The following SASH1 variants were observed in gnomAD, a reference collection of about 807,000 sequenced individuals.
The protein encoded by SASH1 is SAM and SH3 domain-containing protein 1.
SASH1 carries 44 observed loss-of-function variants against 125.2 expected under a neutral mutation model. The observed-to-expected ratio is 0.35, with a 90% CI of 0.28 to 0.45. The LOEUF (loss-of-function observed/expected upper bound fraction) is 0.45. SASH1 is among the 20% of genes least tolerant of loss of function. SASH1 has a pLI of 1.00. For synonymous variants in SASH1, 639 were observed against 649.1 expected (o/e 0.98, Z 0.24); for missense variants, 1,426 against 1,614.5 (o/e 0.88, Z 2.00).
At chr6:148,250,936 G>A in the SASH1 span, among the ~76,000 whole-genome samples, 24 of 152,296 alleles carry the variant, frequency 1.6e-4, no homozygotes, top group African/African-American at 5.8e-4. Flanking sequence ...AAGGACATTT[G>A]TGCCTTGTTA....
intron 8 of SASH1, among the ~76,000 whole-genome samples, chr6:148,501,165 T>A (rs549835249): frequency 6.6e-6 from 1 of 152,058 alleles, no homozygotes; most frequent in Non-Finnish European, 1.5e-5. Context: ...CTTCCCTCCA[T>A]TGCCATTTGG....
chr6:148,471,567 G>A (rs1248890576), intron 6 of SASH1, 64 bp downstream of exon 6: 26 of 981,174 alleles, frequency 2.6e-5, no homozygotes, highest in South Asian at 1.4e-4. Flanking sequence ...AATCCTATGC[G>A]GCTAATCTCA....
chr6:148,464,592 A>C (rs1777753583), intron 4 of SASH1, among the ~76,000 whole-genome samples: 1 of 152,088 alleles, frequency 6.6e-6, no homozygotes, highest in South Asian at 2.1e-4. Context: ...GACCCCTTCC[A>C]CCTGCTGCCA....
intron 4 of SASH1, among the ~76,000 whole-genome samples, chr6:148,467,088 C>CTTTT (rs71004298): frequency 0.055 from 3,815 of 69,612 alleles, 349 homozygotes; most frequent in East Asian, 0.096. Flanking sequence ...TTCCCTGTTC[C>CTTTT]TTTTTTTTTT....
intron 2 of SASH1, among the ~76,000 whole-genome samples, chr6:148,395,764 T>C (rs1015881844): frequency 5.3e-5 from 8 of 152,164 alleles, no homozygotes; most frequent in Non-Finnish European, 4.4e-5. Flanking sequence ...TGGGAGAAGC[T>C]GCAATCAGAA....
intron 1 of SASH1, among the ~76,000 whole-genome samples, chr6:148,303,669 C>A (rs1041067678): frequency 1.3e-5 from 2 of 151,642 alleles, no homozygotes; most frequent in Non-Finnish European, 2.9e-5. Context: ...GTGGCGGGCA[C>A]CCATAATCCC....
intron 2 of SASH1, among the ~76,000 whole-genome samples, chr6:148,438,578 A>G (rs1031108459): frequency 5.3e-5 from 8 of 152,130 alleles, no homozygotes; most frequent in Non-Finnish European, 1.5e-5. Context: ...ACTGTTTATA[A>G]CAAGGGCCTG....
At chr6:148,213,468 G>A in the SASH1 span, among the ~76,000 whole-genome samples, 18 of 151,186 alleles carry the variant, frequency 1.2e-4, no homozygotes, top group Non-Finnish European at 2.1e-4. Flanking sequence ...CTGTGGAGAT[G>A]TAATTGCTGT....
chr6:148,473,934 T>C (rs559956477), intron 6 of SASH1, among the ~76,000 whole-genome samples, 176 bp from the exon 7 acceptor site: 47 of 152,348 alleles, frequency 3.1e-4, no homozygotes, highest in Non-Finnish European at 6.5e-4. Context: ...GAGGTGCTTA[T>C]TGGCTTCTTA....
At chr6:148,497,270 G>A (rs1779353113) in intron 8 of SASH1, among the ~76,000 whole-genome samples, 1 of 152,214 alleles carries the variant, frequency 6.6e-6, no homozygotes, top group Non-Finnish European at 1.5e-5. Context: ...TTGCTTAGGT[G>A]GCTTCTTGTC....
chr6:148,457,665 C>T (rs551440792), intron 4 of SASH1, among the ~76,000 whole-genome samples: 18 of 152,238 alleles, frequency 1.2e-4, no homozygotes, highest in Non-Finnish European at 1.8e-4. Context: ...TTCGTTTCTT[C>T]GCCACTAACT....
At chr6:148,309,118 A>C (rs942037186) in intron 1 of SASH1, among the ~76,000 whole-genome samples, 7 of 149,370 alleles carry the variant, frequency 4.7e-5, no homozygotes, top group African/African-American at 1.7e-4. Flanking sequence ...CTCTTTCTCT[A>C]AATGGTCCCA....
At position 148,544,020 on chromosome 6, in the gene SASH1, G is replaced by T. The variant is rs758700850; in HGVS notation, c.2550G>T (p.Glu850Asp). 1.4e-5 allele frequency: 23 copies of T among 1,614,016 alleles called. No homozygotes were observed. Among genetic ancestry groups the T allele is most frequent in the Non-Finnish European group, 1.8e-5 (21 of 1,180,038 alleles). The change falls in exon 18 of 20, where the codon GAG becomes GAT. Residue 850 changes from glutamate to aspartate, a missense_variant. Around this residue, in one of 3 missense-constraint regions of SASH1, gnomAD observed 634 missense variants for 694.4 expected, o/e 0.91. Coordinates refer to ENST00000367467, the MANE Select transcript of SASH1 (RefSeq NM_015278.5). The surrounding 1 kb of genome is among the most constrained non-coding windows in gnomAD (Gnocchi z 6.4). ...LDDLQVEPGA[E>D]QDVPTEVTEP... ...ACCTTCAAGTGGAGCCTGGTGCTGA[G>T]CAAGACGTGCCTACCGAGGTGACAG...
At chr6:148,319,560 A>T (rs868661180) in intron 1 of SASH1, among the ~76,000 whole-genome samples, 4 of 151,966 alleles carry the variant, frequency 2.6e-5, no homozygotes, top group Middle Eastern at 3.2e-3. Flanking sequence ...CTTGTTGCCC[A>T]GGCTGGAGTG....
Position 148,349,241 on chromosome 6 carries a change from C to CTTCT in SASH1, c.156+6029_156+6032dup, listed in dbSNP as rs1221031006. Among the ~76,000 whole-genome samples, 79 of 87,114 alleles carry CTTCT rather than the reference C, an allele frequency of 9.1e-4. 1 individual carries two copies. Among genetic ancestry groups the CTTCT allele is most frequent in the African/African-American group, 3.4e-3 (70 of 20,798 alleles). 57.2% of individuals were successfully genotyped at this position (87,114 alleles called of 152,430 possible). On this transcript the variant is annotated intron_variant, in intron 1 of 19. Transcript: ENST00000367467. ...AAGTAACTTTTTTATTTCATTCTTT[C>CTTCT]TTCTTTCTTTCTTTTTTTTTTTTTT...
At chr6:148,474,036 C>T in intron 6 of SASH1, 74 bp from the exon 7 acceptor site, 1 of 896,230 alleles carries the variant, frequency 1.1e-6, no homozygotes. Context: ...CCCGAGACAG[C>T]AGATGTTCCG....
chr6:148,309,084 C>CAAAAAAAAA (rs10652144), intron 1 of SASH1, among the ~76,000 whole-genome samples: 3 of 101,122 alleles, frequency 3.0e-5, no homozygotes, highest in African/African-American at 1.1e-4. Flanking sequence ...ACTCTGTCTC[C>CAAAAAAAAA]AAAAAAAAAA....
At chr6:148,224,214 A>G in the SASH1 span, among the ~76,000 whole-genome samples, 1 of 152,258 alleles carries the variant, frequency 6.6e-6, no homozygotes, top group South Asian at 2.1e-4. Flanking sequence ...GAGGATCACT[A>G]GAGCCTAAGA....
intron 1 of SASH1, among the ~76,000 whole-genome samples, chr6:148,278,299 A>G (rs1779244151): frequency 6.6e-6 from 1 of 152,164 alleles, no homozygotes; most frequent in South Asian, 2.1e-4. Flanking sequence ...GGCCTACCAA[A>G]GTGCTGGGAT....
Sources: gnomAD v4.1 joint callset for allele counts (sites outside exome capture counted in the v4.1 genomes callset) on GRCh38, gnomAD v4.1.1 for gene constraint, gnomAD v4.1.1 regional missense constraint, Gnocchi (gnomAD v3.1) non-coding constraint, MANE v1.5 for transcripts, NCBI Gene and HGNC (gene_info 2026-07-23, HGNC 2026-07-21) for gene names.